Variants in ALCAM observed in about 807,000 individuals in gnomAD.
ALCAM encodes the protein CD166 antigen.
Under a neutral mutation model 70.9 loss-of-function variants are expected in ALCAM, and 30 were observed. The ratio of observed to expected loss-of-function variants is 0.42; its 90% CI spans 0.32 to 0.57. The LOEUF is 0.57. ALCAM is among the 20% of genes least tolerant of loss of function. The pLI is 0.11. For synonymous variants in ALCAM, 249 were observed against 242.5 expected (o/e 1.03, Z -0.25); for missense variants, 591 against 695.1 (o/e 0.85, Z 1.68).
At chr3:105,529,531 A>T (rs917292833) in intron 3 of ALCAM, among the ~76,000 whole-genome samples, 1 of 152,184 alleles carries the variant, frequency 6.6e-6, no homozygotes, top group Non-Finnish European at 1.5e-5. Context: ...AGAGGACTCA[A>T]AACAAACCTT....
intron 1 of ALCAM, among the ~76,000 whole-genome samples, chr3:105,492,817 A>G (rs1938625523): frequency 6.6e-6 from 1 of 152,216 alleles, no homozygotes; most frequent in Non-Finnish European, 1.5e-5. Flanking sequence ...AAGAAAAGAA[A>G]AAGAAACATA....
intron 1 of ALCAM, among the ~76,000 whole-genome samples, chr3:105,451,763 A>G (rs1349471001): frequency 6.6e-6 from 1 of 152,242 alleles, no homozygotes; most frequent in Non-Finnish European, 1.5e-5. Context: ...CACTATTTTA[A>G]TACAGCTTTC....
intron 1 of ALCAM, among the ~76,000 whole-genome samples, chr3:105,476,858 T>C (rs898177411): frequency 7.9e-5 from 12 of 152,054 alleles, no homozygotes; most frequent in African/African-American, 2.9e-4. Context: ...CAACTCCAGT[T>C]GTATCTCCCA....
rs563949099 is a variant in ALCAM at position 105,390,368 on chromosome 3, A to G, written c.73+22887A>G. ...ATTAGTGACTTTGAGCTTTGTTTATATATGTTTGTTGGCTGCATAAATGTC... is the reference window on the plus strand; with the variant it reads ...ATTAGTGACTTTGAGCTTTGTTTATGTATGTTTGTTGGCTGCATAAATGTC... On this transcript the variant is annotated intron_variant, in intron 1 of 15. Coordinates refer to ENST00000306107, the MANE Select transcript of ALCAM (RefSeq NM_001627.4). Among the ~76,000 whole-genome samples the G allele has an allele frequency of 9.2e-5, 14 of 151,978 alleles. No individual in the cohort carries two copies. In the South Asian group the frequency reaches 1.7e-3, roughly 18 times the overall value.
intron 1 of ALCAM, among the ~76,000 whole-genome samples, chr3:105,492,529 G>A (rs998836474): frequency 2.0e-5 from 3 of 152,122 alleles, no homozygotes; most frequent in Non-Finnish European, 2.9e-5. Flanking sequence ...TGATTTCTCT[G>A]ACTATTTAAA....
Position 105,539,968 on chromosome 3 carries a change from C to A in ALCAM, c.731-7C>A. ...AAATGGTTAACTTGTGTCTGTAACT[C>A]TTACAGATCCTACAGAGCAGGTGAC... On this transcript the variant is annotated splice_polypyrimidine_tract_variant and splice_region_variant and intron_variant, in intron 6 of 15. Coordinates refer to ENST00000306107, the MANE Select transcript of ALCAM (RefSeq NM_001627.4). 6.2e-7 allele frequency: 1 copy of A among 1,611,050 alleles called. No individual in the cohort carries two copies. Among genetic ancestry groups the A allele is most frequent in the Non-Finnish European group, 8.5e-7 (1 of 1,178,106 alleles).
chr3:105,516,958 A>G (rs867249503), intron 1 of ALCAM, among the ~76,000 whole-genome samples: 5 of 152,122 alleles, frequency 3.3e-5, no homozygotes, highest in Admixed American at 6.6e-5. Flanking sequence ...CTAGTAAGCT[A>G]AACTCAATTT....
intron 7 of ALCAM, among the ~76,000 whole-genome samples, chr3:105,541,138 T>C: frequency 6.6e-6 from 1 of 151,766 alleles, no homozygotes; most frequent in East Asian, 1.9e-4. Context: ...GTCATTTTCT[T>C]TTTTTCTTCT....
At chr3:105,437,633 T>C (rs576994618) in intron 1 of ALCAM, among the ~76,000 whole-genome samples, 226 of 152,202 alleles carry the variant, frequency 1.5e-3, no homozygotes, top group South Asian at 6.2e-3. Flanking sequence ...TCCTAATACA[T>C]ATATCATCTT....
intron 14 of ALCAM, among the ~76,000 whole-genome samples, chr3:105,568,668 A>G (rs959450239): frequency 6.6e-6 from 1 of 152,158 alleles, no homozygotes; most frequent in Non-Finnish European, 1.5e-5. Context: ...TCTCCTTTCT[A>G]AGATTTTTCT....
intron 1 of ALCAM, among the ~76,000 whole-genome samples, chr3:105,393,056 G>A (rs576113934): frequency 1.3e-5 from 2 of 151,818 alleles, no homozygotes; most frequent in African/African-American, 4.8e-5. Context: ...GAAACTTTAG[G>A]ATAACAGTTG....
intron 1 of ALCAM, among the ~76,000 whole-genome samples, chr3:105,371,517 C>CTTTTTTTT (rs35522913): frequency 1.4e-5 from 2 of 142,566 alleles, no homozygotes. Flanking sequence ...AAAGATGTTT[C>CTTTTTTTT]TTTTTTTTTT....
At position 105,533,533 on chromosome 3, in the gene ALCAM, G is replaced by T. The variant is rs2171146; in HGVS notation, c.460-70G>T. On this transcript the variant is annotated intron_variant, in intron 4 of 15. Coordinates refer to ENST00000306107, the MANE Select transcript of ALCAM (RefSeq NM_001627.4). ...CTTGGAATAACTCTGCATTGCCTGAGTTTCTGGAGTTTCCAAATTGACAGC... is the reference window on the plus strand; with the variant it reads ...CTTGGAATAACTCTGCATTGCCTGATTTTCTGGAGTTTCCAAATTGACAGC... 3 of 1,387,656 alleles carry T rather than the reference G, an allele frequency of 2.2e-6. No individual in the cohort carries two copies. The African/African-American group carries it at 4.3e-5, about 20-fold the overall frequency. 86.0% of individuals were successfully genotyped at this position (1,387,656 alleles called of 1,614,324 possible).
In ALCAM at chr3:105,547,087, T is replaced by G. The variant is rs1322824597; in HGVS notation, c.1105-62T>G. 2.8e-5 allele frequency: 38 copies of G among 1,354,832 alleles called. No homozygotes were observed. In the East Asian group the frequency reaches 9.3e-4, roughly 33 times the overall value. The allele number at this position is 1,354,832 out of a possible 1,614,324, so 83.9% of individuals were successfully genotyped here. Reference sequence around the variant, plus strand: ...AATTGTTTTAGGCTTAATTATTATCTAATAAATACACTGAGAATTTTAATT... The same window carrying G: ...AATTGTTTTAGGCTTAATTATTATCGAATAAATACACTGAGAATTTTAATT... On this transcript the variant is annotated intron_variant, in intron 9 of 15. Coordinates refer to ENST00000306107, the MANE Select transcript of ALCAM (RefSeq NM_001627.4).
At chr3:105,535,866 G>A (rs1475914886) in intron 6 of ALCAM, among the ~76,000 whole-genome samples, 1 of 151,982 alleles carries the variant, frequency 6.6e-6, no homozygotes, top group Admixed American at 6.6e-5. Flanking sequence ...TGAGCCTTTC[G>A]AAAGAATCAC....
intron 14 of ALCAM, 132 bp from the exon 15 acceptor site, chr3:105,571,720 G>A (rs1940864700): frequency 3.1e-6 from 2 of 638,654 alleles, no homozygotes; most frequent in Non-Finnish European, 5.3e-6. Flanking sequence ...TCACAGATAT[G>A]GAAATTTTTG....
At position 105,545,120 on chromosome 3, in the gene ALCAM, G is replaced by A. The variant is rs939806662; in HGVS notation, c.992-103G>A. The A allele has an allele frequency of 1.3e-5, 10 of 768,538 alleles. No individual in the cohort carries two copies. In the African/African-American group the frequency reaches 1.7e-4, roughly 13 times the overall value. 47.6% of individuals were successfully genotyped at this position (768,538 alleles called of 1,614,324 possible). ...ATAAATCAGTTCTGAATGTTCAAAT[G>A]CAGTTAGAAGAAATTTATTTTCTTT... On this transcript the variant is annotated intron_variant, in intron 8 of 15. Coordinates refer to ENST00000306107, the MANE Select transcript of ALCAM (RefSeq NM_001627.4).
rs1483038494 is a variant in ALCAM, at chr3:105,534,861, T to C, written c.730+16T>C. 1.9e-6 allele frequency: 3 copies of C among 1,585,914 alleles called. No individual in the cohort carries two copies. Among genetic ancestry groups the C allele is most frequent in the Admixed American group, 3.5e-5 (2 of 57,628 alleles). On this transcript the variant is annotated intron_variant, in intron 6 of 15. Coordinates refer to ENST00000306107, the MANE Select transcript of ALCAM (RefSeq NM_001627.4). Reference sequence around the variant, plus strand: ...GATATTTACTGTAAGTAATTCAATATATAATTATGCTATTTAATGTATTAG... The same window carrying C: ...GATATTTACTGTAAGTAATTCAATACATAATTATGCTATTTAATGTATTAG...
intron 1 of ALCAM, among the ~76,000 whole-genome samples, chr3:105,448,254 C>T (rs1937342317): frequency 6.6e-6 from 1 of 152,116 alleles, no homozygotes; most frequent in Non-Finnish European, 1.5e-5. Context: ...TACCACATTT[C>T]CACCTTTTAT....
Sources: allele counts gnomAD v4.1 joint callset (sites outside exome capture counted in the v4.1 genomes callset), GRCh38; gene constraint gnomAD v4.1.1; transcripts MANE v1.5; gene names NCBI Gene and HGNC (gene_info 2026-07-23, HGNC 2026-07-21).